The following MYO1D variants were observed in gnomAD, a reference collection of about 807,000 sequenced individuals.
MYO1D encodes the protein myosin ID.
In MYO1D, 83 loss-of-function variants were observed where a neutral mutation model predicts 122.0. The observed-to-expected ratio is 0.68, with a 90% CI of 0.57 to 0.82. The LOEUF (loss-of-function observed/expected upper bound fraction) is 0.82. Ranked by LOEUF, MYO1D falls within the 40% of genes least tolerant of loss-of-function variation. MYO1D has a pLI of 0.00. For missense variants in MYO1D, 1,157 were observed against 1,269.5 expected, an observed-to-expected ratio of 0.91 and a Z score of 1.35; for synonymous variants, 464 against 446.9, an observed-to-expected ratio of 1.04 and a Z score of -0.48.
chr17:32,860,162 C>G (rs1045586586), intron 1 of MYO1D, among the ~76,000 whole-genome samples: 4 of 152,180 alleles, frequency 2.6e-5, no homozygotes, highest in African/African-American at 9.6e-5. Flanking sequence ...CTTCCACCAG[C>G]TGAGGATGAA....
At chr17:32,681,674 T>C (rs1226320562) in intron 16 of MYO1D, among the ~76,000 whole-genome samples, 1 of 151,508 alleles carries the variant, frequency 6.6e-6, no homozygotes, top group Non-Finnish European at 1.5e-5. Context: ...CTTCCAACTA[T>C]GTGGTCAATT....
At chr17:32,755,023 ATC>A (rs1177223320) in intron 11 of MYO1D, among the ~76,000 whole-genome samples, 1 of 152,212 alleles carries the variant, frequency 6.6e-6, no homozygotes, top group Non-Finnish European at 1.5e-5. Context: ...TACAACTAGA[ATC>A]TCTCTGTTTT....
In MYO1D at chr17:32,721,108, C is replaced by T; in HGVS notation, c.1828G>A (p.Val610Ile). 1 of 1,614,122 alleles carries T rather than the reference C, an allele frequency of 6.2e-7. No homozygotes were observed. The highest frequency in any genetic ancestry group is 8.5e-7 in the Non-Finnish European group (1 of 1,180,008). Residue 610 changes from valine (V) to isoleucine (I), a missense_variant, in exon 15 of 22, where the codon GTA (valine) becomes ATA (isoleucine). Val to Ile is a conservative substitution (Grantham distance 29). Coordinates refer to ENST00000318217, the MANE Select transcript of MYO1D (RefSeq NM_015194.3). ...IFDDERCRHQ[V>I]EYLGLLENVR... is the part of the protein sequence containing the mutation. ...TTTTCCAGTAGTCCAAGATATTCTA[C>T]TTGGTGCCGGCAGCGTTCATCATCA...
At chr17:32,751,302 C>A (rs1374129360) in intron 11 of MYO1D, among the ~76,000 whole-genome samples, 1 of 152,056 alleles carries the variant, frequency 6.6e-6, no homozygotes, top group Non-Finnish European at 1.5e-5. Context: ...ATGATGATAT[C>A]CAGCTCAACA....
intron 1 of MYO1D, among the ~76,000 whole-genome samples, chr17:32,814,048 T>C (rs1362051904): frequency 6.6e-6 from 1 of 152,170 alleles, no homozygotes; most frequent in Non-Finnish European, 1.5e-5. Flanking sequence ...AGGTCAGCCA[T>C]CTAAAAAACA....
At chr17:32,823,951 C>T (rs1047291378) in intron 1 of MYO1D, among the ~76,000 whole-genome samples, 17 of 151,256 alleles carry the variant, frequency 1.1e-4, no homozygotes, top group African/African-American at 3.9e-4. Context: ...CCTGTAGTCC[C>T]GGCTACTCAG....
chr17:32,722,216 C>T (rs1431017773), intron 14 of MYO1D, among the ~76,000 whole-genome samples: 1 of 152,110 alleles, frequency 6.6e-6, no homozygotes, highest in Non-Finnish European at 1.5e-5. Context: ...AAAGGTAATG[C>T]CATTTTTTGC....
chr17:32,534,681 G>A (rs10853151), intron 21 of MYO1D, among the ~76,000 whole-genome samples: 39,860 of 151,998 alleles, frequency 0.26, 5,732 homozygotes, highest in Admixed American at 0.33. Context: ...AGAGTGCGGC[G>A]GAAGCTTCTG....
intron 21 of MYO1D, among the ~76,000 whole-genome samples, chr17:32,557,616 C>T (rs779646074): frequency 2.6e-5 from 4 of 151,938 alleles, no homozygotes; most frequent in Non-Finnish European, 5.9e-5. Flanking sequence ...TCCCGTTACC[C>T]ACCCTCACCC....
chr17:32,732,130 A>C (rs2089648583), intron 14 of MYO1D, among the ~76,000 whole-genome samples: 1 of 152,210 alleles, frequency 6.6e-6, no homozygotes, highest in Non-Finnish European at 1.5e-5. Context: ...GCGGAAGGCC[A>C]ACGGGGTGCT....
intron 16 of MYO1D, among the ~76,000 whole-genome samples, chr17:32,676,266 C>G (rs1041812445): frequency 4.0e-5 from 6 of 151,590 alleles, no homozygotes; most frequent in African/African-American, 1.5e-4. Context: ...TAATGTAGCT[C>G]CGATTAAACT....
chr17:32,691,259 CAAA>C (rs35755676), intron 16 of MYO1D, among the ~76,000 whole-genome samples: 27 of 121,954 alleles, frequency 2.2e-4, no homozygotes, highest in Non-Finnish European at 1.6e-4. Context: ...GACACTGCCT[CAAA>C]AAAAAAAAAA....
At chr17:32,553,897 A>G (rs1405892322) in intron 21 of MYO1D, among the ~76,000 whole-genome samples, 1 of 152,156 alleles carries the variant, frequency 6.6e-6, no homozygotes, top group Admixed American at 6.5e-5. Flanking sequence ...CACTGCTTAG[A>G]TATTTCCACC....
chr17:32,736,897 A>G (rs1187497366), intron 14 of MYO1D, among the ~76,000 whole-genome samples: 2 of 152,196 alleles, frequency 1.3e-5, no homozygotes, highest in African/African-American at 4.8e-5. Flanking sequence ...GAAGAGTCCT[A>G]ACGGCATTCC....
chr17:32,768,201 A>G (rs574569989), intron 6 of MYO1D, among the ~76,000 whole-genome samples: 1 of 152,374 alleles, frequency 6.6e-6, no homozygotes, highest in African/African-American at 2.4e-5. Context: ...TCGTATAATC[A>G]GGCGGTTTAT....
intron 16 of MYO1D, among the ~76,000 whole-genome samples, chr17:32,664,953 C>G (rs1390177320): frequency 6.6e-6 from 1 of 152,116 alleles, no homozygotes; most frequent in African/African-American, 2.4e-5. Flanking sequence ...TGTCTCCTCC[C>G]CACCTCATCT....
chr17:32,650,646 G>C (rs191188338), intron 19 of MYO1D, among the ~76,000 whole-genome samples: 35 of 151,862 alleles, frequency 2.3e-4, no homozygotes, highest in Middle Eastern at 3.4e-3. Flanking sequence ...AAATTCACTA[G>C]TTTTCCTTCT....
At chr17:32,803,372 T>C (rs2151044762) in intron 1 of MYO1D, among the ~76,000 whole-genome samples, 1 of 152,272 alleles carries the variant, frequency 6.6e-6, no homozygotes, top group South Asian at 2.1e-4. Context: ...GGTCTCGATC[T>C]CCTGACCTCC....
At chr17:32,706,068 A>G (rs116800527) in intron 16 of MYO1D, among the ~76,000 whole-genome samples, 61 of 152,268 alleles carry the variant, frequency 4.0e-4, no homozygotes, top group African/African-American at 1.3e-3. Flanking sequence ...ACAGACTAAT[A>G]CAGTCAACAT....
Sources: gnomAD v4.1 joint callset for allele counts (sites outside exome capture counted in the v4.1 genomes callset) on GRCh38, gnomAD v4.1.1 for gene constraint, MANE v1.5 for transcripts, NCBI Gene and HGNC (gene_info 2026-07-23, HGNC 2026-07-21) for gene names.